Variants in CD2AP observed in about 807,000 individuals in gnomAD.
CD2AP encodes the protein CD2 associated protein.
Under a neutral mutation model 85.1 loss-of-function variants are expected in CD2AP, and 46 were observed. The observed-to-expected ratio is 0.54, with a 90% CI of 0.43 to 0.69. The LOEUF is 0.69. CD2AP is among the 30% of genes least tolerant of loss of function. The pLI is 0.00. For missense variants in CD2AP, 769 were observed against 729.5 expected, an observed-to-expected ratio of 1.05 and a Z score of -0.62; for synonymous variants, 255 against 252.9, an observed-to-expected ratio of 1.01 and a Z score of -0.08.
At chr6:47,547,118 TA>T (rs1273757810) in intron 4 of CD2AP, among the ~76,000 whole-genome samples, 1 of 151,818 alleles carries the variant, frequency 6.6e-6, no homozygotes, top group Admixed American at 6.6e-5. Context: ...AAATAGAAGT[TA>T]AAAAACAAAG....
chr6:47,526,286 C>A (rs1281217566), intron 2 of CD2AP, among the ~76,000 whole-genome samples: 1 of 152,022 alleles, frequency 6.6e-6, no homozygotes, highest in South Asian at 2.1e-4. Context: ...GATTGTAGCT[C>A]GGAGGAGTTC....
intron 13 of CD2AP, among the ~76,000 whole-genome samples, chr6:47,601,098 A>G (rs980074286): frequency 1.3e-5 from 2 of 151,822 alleles, no homozygotes; most frequent in Non-Finnish European, 2.9e-5. Flanking sequence ...AACTTTTCCT[A>G]TATAGTGTCA....
At chr6:47,591,535 T>A (rs1315920621) in intron 11 of CD2AP, among the ~76,000 whole-genome samples, 1 of 152,162 alleles carries the variant, frequency 6.6e-6, no homozygotes, top group African/African-American at 2.4e-5. Context: ...CTCCAAGTGA[T>A]CACAAAGAAT....
chr6:47,528,939 T>C (rs1346362119), intron 2 of CD2AP, among the ~76,000 whole-genome samples: 1 of 152,182 alleles, frequency 6.6e-6, no homozygotes, highest in Admixed American at 6.5e-5. Flanking sequence ...TTTCTCCCAT[T>C]ATGTGGCTTA....
At chr6:47,616,603 A>G (rs1448592174) in intron 17 of CD2AP, among the ~76,000 whole-genome samples, 3 of 152,204 alleles carry the variant, frequency 2.0e-5, no homozygotes, top group African/African-American at 7.2e-5. Context: ...TTGCATGAAA[A>G]TACTTGACTT....
intron 2 of CD2AP, among the ~76,000 whole-genome samples, chr6:47,521,092 A>G (rs1030487715): frequency 6.6e-6 from 1 of 152,158 alleles, no homozygotes. Flanking sequence ...GCTTTAAAAT[A>G]TATTTAGCAG....
intron 2 of CD2AP, among the ~76,000 whole-genome samples, chr6:47,531,944 A>G (rs1766890085): frequency 6.6e-6 from 1 of 151,840 alleles, no homozygotes; most frequent in African/African-American, 2.4e-5. Context: ...GTGGTGGTGC[A>G]TGCCTGTAGT....
chr6:47,489,166 T>G (rs1765656052), intron 1 of CD2AP: 1 of 22,774 alleles, frequency 4.4e-5, no homozygotes, highest in South Asian at 1.7e-3. Flanking sequence ...CTCAACTAGT[T>G]TTTTTTTTTT....
intron 10 of CD2AP, 59 bp from the exon 11 acceptor site, chr6:47,581,943 TA>T: frequency 9.4e-7 from 1 of 1,061,036 alleles, no homozygotes; most frequent in Non-Finnish European, 1.5e-6. Flanking sequence ...TTTAGAAGTG[TA>T]ATTGTCTCTG....
chr6:47,549,512 G>C (rs1157788169), intron 4 of CD2AP, among the ~76,000 whole-genome samples: 3 of 147,086 alleles, frequency 2.0e-5, no homozygotes, highest in Non-Finnish European at 4.5e-5. Flanking sequence ...TAACCAAGGA[G>C]TCAAAAGACC....
intron 16 of CD2AP, 161 bp downstream of exon 16, chr6:47,609,465 C>A: frequency 1.8e-6 from 1 of 551,812 alleles, no homozygotes; most frequent in Non-Finnish European, 3.3e-6. Flanking sequence ...TTGCTTGAGT[C>A]CAGGAGTTCG....
intron 1 of CD2AP, among the ~76,000 whole-genome samples, chr6:47,501,704 T>C (rs1039656322): frequency 1.3e-5 from 2 of 151,960 alleles, no homozygotes; most frequent in Non-Finnish European, 2.9e-5. Context: ...TAGTCAGTCT[T>C]GTAGGAGGAA....
At chr6:47,565,559 C>G (rs538593257) in intron 5 of CD2AP, among the ~76,000 whole-genome samples, 2 of 151,858 alleles carry the variant, frequency 1.3e-5, no homozygotes, top group African/African-American at 2.4e-5. Context: ...CCTAAGATGC[C>G]CAAAATTGAT....
At chr6:47,514,526 T>C (rs1464778304) in intron 2 of CD2AP, among the ~76,000 whole-genome samples, 1 of 152,168 alleles carries the variant, frequency 6.6e-6, no homozygotes. Flanking sequence ...AGTTGCTACT[T>C]TGTAATTGAG....
intron 13 of CD2AP, 114 bp downstream of exon 13, chr6:47,599,557 T>C (rs749574949): frequency 1.3e-5 from 12 of 950,606 alleles, no homozygotes; most frequent in Non-Finnish European, 1.9e-5. Flanking sequence ...AAGTTGAAAT[T>C]ACACAGTTGA....
At chr6:47,494,392 G>A (rs1221009431) in intron 1 of CD2AP, among the ~76,000 whole-genome samples, 1 of 152,138 alleles carries the variant, frequency 6.6e-6, no homozygotes. Context: ...TATGGTGGTA[G>A]CATGTGGGAA....
At chr6:47,607,470 A>G (rs1001088081) in intron 14 of CD2AP, among the ~76,000 whole-genome samples, 3 of 152,002 alleles carry the variant, frequency 2.0e-5, no homozygotes, top group Non-Finnish European at 2.9e-5. Flanking sequence ...ATTTGCTATT[A>G]CCTATCTTTT....
chr6:47,505,616 G>T (rs1241810216), intron 2 of CD2AP, among the ~76,000 whole-genome samples: 6 of 33,028 alleles, frequency 1.8e-4, no homozygotes, highest in Admixed American at 3.0e-4. Flanking sequence ...TGGCCGGGCG[G>T]GGGGGGCTGA....
chr6:47,541,504 GA>G (rs1247699371), intron 3 of CD2AP, among the ~76,000 whole-genome samples: 3 of 152,208 alleles, frequency 2.0e-5, no homozygotes, highest in East Asian at 1.9e-4. Flanking sequence ...TTAGGAAGGG[GA>G]AAAAACCTTA....
Sources: gnomAD v4.1 joint callset for allele counts (sites outside exome capture counted in the v4.1 genomes callset) on GRCh38, gnomAD v4.1.1 for gene constraint, MANE v1.5 for transcripts, NCBI Gene and HGNC (gene_info 2026-07-23, HGNC 2026-07-21) for gene names.